PALLD: variants seen among roughly 807,000 people sequenced by gnomAD.
PALLD encodes palladin.
Under a neutral mutation model 123.5 loss-of-function variants are expected in PALLD, and 61 were observed. The observed-to-expected ratio is 0.49, with a 90% confidence interval of 0.40 to 0.61. The LOEUF is 0.61. Among genes scored for constraint, PALLD ranks in the 20% least tolerant of loss-of-function variants. The pLI is 0.00. For synonymous variants in PALLD, 465 were observed against 496.4 expected (o/e 0.94, Z 0.84); for missense variants, 1,273 against 1,377.0 (o/e 0.92, Z 1.20).
chr4:168,644,111 G>A (rs1266209531), intron 2 of PALLD, among the ~76,000 whole-genome samples: 2 of 147,622 alleles, frequency 1.4e-5, no homozygotes, highest in East Asian at 2.0e-4. Context: ...TTTTTTTAAT[G>A]GAATCTCACT....
At chr4:168,872,227 C>T (rs1163536408) in intron 10 of PALLD, among the ~76,000 whole-genome samples, 3 of 152,204 alleles carry the variant, frequency 2.0e-5, no homozygotes, top group Non-Finnish European at 2.9e-5. Context: ...TGCATTAAGA[C>T]ATACAAAGCT....
intron 2 of PALLD, among the ~76,000 whole-genome samples, chr4:168,664,876 T>G (rs1246257818): frequency 6.6e-6 from 1 of 152,082 alleles, no homozygotes; most frequent in African/African-American, 2.4e-5. Flanking sequence ...GTGTGTTTGA[T>G]CTATGATTGG....
chr4:168,796,982 A>G (rs1421749895), intron 10 of PALLD, among the ~76,000 whole-genome samples: 2 of 152,192 alleles, frequency 1.3e-5, no homozygotes, highest in Admixed American at 6.5e-5. Flanking sequence ...CCACAAAAGC[A>G]ATGAATAGTG....
chr4:168,632,317 C>G (rs1396232364), intron 2 of PALLD, among the ~76,000 whole-genome samples: 2 of 152,130 alleles, frequency 1.3e-5, no homozygotes, highest in African/African-American at 2.4e-5. Context: ...GCTCCATCCT[C>G]GGTTGAAATA....
intron 1 of PALLD, among the ~76,000 whole-genome samples, chr4:168,506,700 CCTT>C (rs1205388924): frequency 6.6e-6 from 1 of 152,120 alleles, no homozygotes; most frequent in Non-Finnish European, 1.5e-5. Flanking sequence ...TTCTGTCTCT[CCTT>C]CTTTCTATGA....
At chr4:168,771,697 C>G (rs764846055) in intron 10 of PALLD, among the ~76,000 whole-genome samples, 10 of 152,160 alleles carry the variant, frequency 6.6e-5, no homozygotes, top group African/African-American at 1.4e-4. Context: ...CCATCACCCC[C>G]CAAACACACC....
intron 18 of PALLD, 72 bp from the exon 19 acceptor site, chr4:168,924,169 CAAGCAATATTCCAA>C (rs1323401096): frequency 8.5e-7 from 1 of 1,175,786 alleles, no homozygotes; most frequent in African/African-American, 1.5e-5. Flanking sequence ...AAGATCTATT[CAAGCAATATTCCAA>C]AAGCCTTCTG....
chr4:168,724,018 G>T (rs146423237), intron 10 of PALLD, among the ~76,000 whole-genome samples: 2 of 149,702 alleles, frequency 1.3e-5, no homozygotes, highest in South Asian at 4.3e-4. Flanking sequence ...TCAGCCTCCC[G>T]AATAGCTGGG....
intron 2 of PALLD, among the ~76,000 whole-genome samples, chr4:168,647,556 A>G (rs1777589749): frequency 6.6e-6 from 1 of 152,116 alleles, no homozygotes; most frequent in Non-Finnish European, 1.5e-5. Flanking sequence ...CAAGGCAGGC[A>G]CGTCATCTGA....
chr4:168,776,486 C>T (rs1210260763), intron 10 of PALLD, among the ~76,000 whole-genome samples: 1 of 152,096 alleles, frequency 6.6e-6, no homozygotes, highest in African/African-American at 2.4e-5. Flanking sequence ...AACTAGATGC[C>T]TGCTATTTAT....
At position 168,764,463 on chromosome 4, in the gene PALLD, A is replaced by G. The variant is rs1733379994; in HGVS notation, c.1964+52540A>G. Among the ~76,000 whole-genome samples, 3 of 152,146 alleles carry G rather than the reference A, an allele frequency of 2.0e-5. No homozygotes were observed. In the South Asian group the frequency reaches 6.2e-4, roughly 31 times the overall value. ...TCTATGTTGTCCAGGCTGGAGCACAATAGCTATTCACAGGTGCAGTCATAG... is the reference window on the plus strand; with the variant it reads ...TCTATGTTGTCCAGGCTGGAGCACAGTAGCTATTCACAGGTGCAGTCATAG... On this transcript the variant is annotated intron_variant, in intron 10 of 21. Transcript: ENST00000505667.
At chr4:168,724,581 AT>A (rs1231756855) in intron 10 of PALLD, among the ~76,000 whole-genome samples, 3 of 152,244 alleles carry the variant, frequency 2.0e-5, no homozygotes, top group Non-Finnish European at 2.9e-5. Flanking sequence ...ATTAGATAGT[AT>A]GTCATTTGAT....
chr4:168,767,803 G>T (rs2001553), intron 10 of PALLD, among the ~76,000 whole-genome samples: 91,978 of 151,876 alleles, frequency 0.61, 28,387 homozygotes, highest in Non-Finnish European at 0.67. Context: ...TGCCTCGGCC[G>T]CCCAAAGTGC....
rs1274937595 is a variant in PALLD, at chr4:168,668,386, G to A, written c.1087+18G>A. 2 of 1,584,234 alleles carry A rather than the reference G, an allele frequency of 1.3e-6. No homozygotes were observed. Among genetic ancestry groups the A allele is most frequent in the Admixed American group, 1.7e-5 (1 of 57,830 alleles). On this transcript the variant is annotated intron_variant, in intron 3 of 21. Coordinates refer to ENST00000505667, the MANE Select transcript of PALLD (RefSeq NM_001166108.2). ...CATTGAAGGTAAGGAGGGGTGCCTG[G>A]TAATGGGGGATAAAGGGGTGTCAAT...
chr4:168,647,289 A>G (rs1001950603), intron 2 of PALLD, among the ~76,000 whole-genome samples: 1 of 152,238 alleles, frequency 6.6e-6, no homozygotes, highest in African/African-American at 2.4e-5. Context: ...CAGAAAGGTT[A>G]GGCTGACTAT....
chr4:168,872,924 G>A (rs1199348081), intron 10 of PALLD, among the ~76,000 whole-genome samples: 3 of 152,180 alleles, frequency 2.0e-5, no homozygotes, highest in African/African-American at 7.2e-5. Flanking sequence ...GGAAGCCCTT[G>A]TAGGAGTTTT....
chr4:168,660,609 CAT>C lies in PALLD; in HGVS notation c.909-7578_909-7577del, dbSNP rs773007400. Among the ~76,000 whole-genome samples, 1,246 of 139,294 alleles carry C rather than the reference CAT, an allele frequency of 8.9e-3. 9 individuals are homozygous for C. The highest frequency in any genetic ancestry group is 0.018 in the Middle Eastern group (5 of 276). The allele number at this position is 139,294 out of a possible 152,430, so 91.4% of individuals were successfully genotyped here. On this transcript the variant is annotated intron_variant, in intron 2 of 21. Coordinates refer to ENST00000505667, the MANE Select transcript of PALLD (RefSeq NM_001166108.2). The stretch of plus-strand genomic sequence containing the variant: ...CAACAACAATACACACACACACACA[CAT>C]ATGTATGTGTACGTATACATATTTA...
intron 8 of PALLD, among the ~76,000 whole-genome samples, chr4:168,702,884 T>G (rs1256083761): frequency 1.3e-5 from 2 of 148,246 alleles, no homozygotes; most frequent in African/African-American, 5.0e-5. Flanking sequence ...TTTTATTTAT[T>G]TATTTATTTT....
chr4:168,831,631 C>T (rs767039677), intron 10 of PALLD, among the ~76,000 whole-genome samples: 7 of 152,174 alleles, frequency 4.6e-5, no homozygotes, highest in Non-Finnish European at 1.0e-4. Context: ...TCCATTCCTT[C>T]AGGGCAGCTT....
Sources: gnomAD v4.1 joint callset for allele counts (sites outside exome capture counted in the v4.1 genomes callset) on GRCh38, gnomAD v4.1.1 for gene constraint, MANE v1.5 for transcripts, NCBI Gene and HGNC (gene_info 2026-07-23, HGNC 2026-07-21) for gene names.